Variants in SUMF1 observed in about 807,000 individuals in gnomAD.
SUMF1 encodes the protein formylglycine-generating enzyme.
SUMF1 carries 48 observed loss-of-function variants against 47.6 expected under a neutral mutation model. That is an observed-to-expected ratio of 1.01 (90% CI 0.80 to 1.28). The LOEUF (loss-of-function observed/expected upper bound fraction) is 1.28, where lower values mean the gene tolerates loss of function less well. SUMF1 is among the 50% of genes most tolerant of loss of function. The pLI is 0.00. For missense variants in SUMF1, 571 were observed against 485.4 expected, an observed-to-expected ratio of 1.18 and a Z score of -1.66; for synonymous variants, 230 against 192.1, an observed-to-expected ratio of 1.20 and a Z score of -1.63.
intron 8 of SUMF1, among the ~76,000 whole-genome samples, chr3:4,221,414 GGTGTGTGTGTGTGT>G (rs113359661): frequency 4.5e-4 from 66 of 148,092 alleles, no homozygotes; most frequent in African/African-American, 9.7e-4. Context: ...GGTTTTTTGG[GGTGTGTGTGTGTGT>G]GTGTGTGTGT....
chr3:4,403,036 A>C (rs28458318), intron 7 of SUMF1, among the ~76,000 whole-genome samples: 2,142 of 152,302 alleles, frequency 0.014, 60 homozygotes, highest in African/African-American at 0.048. Context: ...CTGTAGTACC[A>C]GTAGGATAGC....
intron 9 of SUMF1, among the ~76,000 whole-genome samples, chr3:4,053,996 T>G (rs1215608898): frequency 6.6e-6 from 1 of 152,056 alleles, no homozygotes; most frequent in Non-Finnish European, 1.5e-5. Flanking sequence ...AAAACTGCCA[T>G]CCATCACAAA....
At chr3:4,454,776 C>T (rs1055689192) in intron 1 of SUMF1, among the ~76,000 whole-genome samples, 2 of 152,094 alleles carry the variant, frequency 1.3e-5, no homozygotes, top group Admixed American at 6.5e-5. Context: ...CTACAACATG[C>T]GTGAACCTTG....
chr3:4,253,303 G>T (rs1026795466), intron 8 of SUMF1, among the ~76,000 whole-genome samples: 1 of 152,184 alleles, frequency 6.6e-6, no homozygotes, highest in African/African-American at 2.4e-5. Context: ...AGCTCCCAGC[G>T]TGAGTGACGC....
downstream of SUMF1, chr3:4,361,013 C>G (rs1699738457): frequency 2.0e-5 from 3 of 152,154 alleles, no homozygotes; most frequent in Non-Finnish European, 4.4e-5. Flanking sequence ...CACAAATTAC[C>G]CACATATCAA....
chr3:4,416,335 A>G (rs1386051949), intron 6 of SUMF1, among the ~76,000 whole-genome samples: 13 of 152,192 alleles, frequency 8.5e-5, no homozygotes, highest in Non-Finnish European at 1.9e-4. Flanking sequence ...TGTTTCCAGT[A>G]AATACATTGG....
chr3:4,119,455 C>A (rs1250741886), intron 8 of SUMF1, among the ~76,000 whole-genome samples: 1 of 152,084 alleles, frequency 6.6e-6, no homozygotes, highest in Non-Finnish European at 1.5e-5. Context: ...ACACTGGATT[C>A]TTCACTGGTC....
intron 1 of SUMF1, among the ~76,000 whole-genome samples, chr3:4,458,688 C>T (rs913822921): frequency 2.6e-5 from 4 of 151,954 alleles, no homozygotes; most frequent in Non-Finnish European, 4.4e-5. Flanking sequence ...ATCCCGTCTC[C>T]ACTAAAAATA....
chr3:4,297,493 G>C (rs548426287), intron 8 of SUMF1, among the ~76,000 whole-genome samples: 3 of 151,590 alleles, frequency 2.0e-5, no homozygotes, highest in Non-Finnish European at 4.4e-5. Context: ...CTGAAGCCTT[G>C]GATTGCTGGG....
intron 8 of SUMF1, among the ~76,000 whole-genome samples, chr3:4,327,176 A>G (rs1698963322): frequency 6.6e-6 from 1 of 152,214 alleles, no homozygotes; most frequent in South Asian, 2.1e-4. Context: ...TTCAAACAAA[A>G]AAGTCATAGA....
chr3:4,273,139 T>C (rs1370369851), intron 8 of SUMF1, among the ~76,000 whole-genome samples: 1 of 149,986 alleles, frequency 6.7e-6, no homozygotes, highest in African/African-American at 2.4e-5. Flanking sequence ...TATATATATA[T>C]AGAATTTACC....
intron 9 of SUMF1, among the ~76,000 whole-genome samples, chr3:4,061,251 G>A (rs992976820): frequency 6.6e-6 from 1 of 152,208 alleles, no homozygotes. Context: ...AATCTTAAAA[G>A]TGGAGAAAGT....
At chr3:4,303,463 G>C in intron 8 of SUMF1, 2 of 1,531,596 alleles carry the variant, frequency 1.3e-6, no homozygotes, top group South Asian at 1.3e-5. Flanking sequence ...TGGATGTCGC[G>C]TGCGGCCAGG....
intron 3 of SUMF1, among the ~76,000 whole-genome samples, chr3:4,448,610 C>T (rs558396223): frequency 3.0e-4 from 46 of 152,324 alleles, no homozygotes; most frequent in African/African-American, 1.0e-3. Flanking sequence ...CCAACATACA[C>T]AAACCTGCTA....
chr3:4,417,086 T>G, intron 6 of SUMF1, 42 bp downstream of exon 6: 1 of 1,590,392 alleles, frequency 6.3e-7, no homozygotes, highest in South Asian at 1.1e-5. Context: ...GAGCCTCAGT[T>G]CTCAGCAGCT....
At chr3:4,434,474 C>T (rs956872634) in intron 3 of SUMF1, among the ~76,000 whole-genome samples, 12 of 152,034 alleles carry the variant, frequency 7.9e-5, no homozygotes, top group Admixed American at 2.6e-4. Context: ...CTTATAAATG[C>T]GCAACAGTAA....
chr3:4,265,136 C>CAAA (rs71043507), intron 8 of SUMF1, among the ~76,000 whole-genome samples: 84 of 73,346 alleles, frequency 1.1e-3, no homozygotes, highest in African/African-American at 2.0e-3. Context: ...GACTCCATCT[C>CAAA]AAAAAAAAAA....
intron 8 of SUMF1, chr3:4,303,440 C>T (rs1320708731): frequency 1.9e-6 from 3 of 1,551,008 alleles, no homozygotes; most frequent in Non-Finnish European, 2.6e-6. Flanking sequence ...GCCTGAGGCC[C>T]CGACTGAGCA....
intron 1 of SUMF1, among the ~76,000 whole-genome samples, chr3:4,459,342 T>A (rs2125161520): frequency 6.6e-6 from 1 of 151,658 alleles, no homozygotes; most frequent in South Asian, 2.1e-4. Flanking sequence ...AATAAAATTT[T>A]AAAAAACAAG....
Sources: gnomAD v4.1 joint callset for allele counts (sites outside exome capture counted in the v4.1 genomes callset) on GRCh38, gnomAD v4.1.1 for gene constraint, MANE v1.5 for transcripts, NCBI Gene and HGNC (gene_info 2026-07-23, HGNC 2026-07-21) for gene names.